The following ZNF627 variants were observed in gnomAD, a reference collection of about 807,000 sequenced individuals.
ZNF627 encodes zinc finger protein 627.
A neutral mutation model predicts 10.6 loss-of-function variants in ZNF627; 12 were observed. That is an observed-to-expected ratio of 1.13 (90% CI 0.73 to 1.84). The LOEUF (loss-of-function observed/expected upper bound fraction) is 1.84, where lower values mean the gene tolerates loss of function less well. Among genes scored for constraint, ZNF627 ranks in the 40% most tolerant of loss-of-function variants. The pLI is 0.00. For missense variants in ZNF627, 504 were observed against 568.4 expected (o/e 0.89, Z 1.15); for synonymous variants, 176 against 187.1 (o/e 0.94, Z 0.48).
At position 11,617,249 on chromosome 19, in the gene ZNF627, A is replaced by T. The variant is rs368365975; in HGVS notation, c.746A>T (p.Lys249Ile). The T allele has an allele frequency of 6.2e-7, 1 of 1,613,596 alleles. No homozygotes were observed. The highest frequency in any genetic ancestry group is 1.3e-5 in the African/African-American group (1 of 74,800). Residue 249 changes from lysine to isoleucine, a missense_variant, in exon 4 of 4, where the codon AAA (lysine) becomes ATA (isoleucine). Transcript: ENST00000361113. ...CATGAAAGGACTCACACTGGAGATAAACCCTATGAATGCAAGCAGTGTGGG... is the reference window on the plus strand; with the variant it reads ...CATGAAAGGACTCACACTGGAGATATACCCTATGAATGCAAGCAGTGTGGG... ...RIHERTHTGD[K>I]PYECKQCGKA... is the part of the protein sequence containing the mutation.
chr19:11,604,783 G>A (rs1973645539), intron 1 of ZNF627, among the ~76,000 whole-genome samples: 1 of 152,192 alleles, frequency 6.6e-6, no homozygotes, highest in Non-Finnish European at 1.5e-5. Flanking sequence ...CTGTAATAGG[G>A]GAGGGAGATT....
In ZNF627 at chr19:11,618,094, G is replaced by A; in HGVS notation, c.*205G>A. 1 of 472,418 alleles carries A rather than the reference G, an allele frequency of 2.1e-6. No homozygotes were observed. The allele number at this position is 472,418 out of a possible 1,614,324, so 29.3% of individuals were successfully genotyped here. ...GATCTCTGGATTGTGTTATGTCAGTGTTGGTAGGTTAGGAACTAGATTTCC... is the reference window on the plus strand; with the variant it reads ...GATCTCTGGATTGTGTTATGTCAGTATTGGTAGGTTAGGAACTAGATTTCC... On this transcript the variant is annotated 3_prime_UTR_variant, in exon 4 of 4. Transcript: ENST00000361113.
At chr19:11,600,877 T>C (rs184110687) in intron 1 of ZNF627, among the ~76,000 whole-genome samples, 4 of 152,332 alleles carry the variant, frequency 2.6e-5, no homozygotes, top group African/African-American at 4.8e-5. Flanking sequence ...CTGAAGAGGA[T>C]GGATACTTTT....
At chr19:11,598,502 A>G (rs965670740) in intron 1 of ZNF627, among the ~76,000 whole-genome samples, 2 of 152,186 alleles carry the variant, frequency 1.3e-5, no homozygotes, top group Non-Finnish European at 2.9e-5. Context: ...AGGACACCAT[A>G]GCCACAGCCC....
chr19:11,600,483 T>C (rs1973566530), intron 1 of ZNF627, among the ~76,000 whole-genome samples: 1 of 152,000 alleles, frequency 6.6e-6, no homozygotes, highest in Admixed American at 6.6e-5. Flanking sequence ...GCAAGTGTAG[T>C]AAGTTTCTCA....
chr19:11,614,533 G>T lies in ZNF627; in HGVS notation c.10G>T (p.Val4Leu). Reference sequence around the variant, plus strand: ...CACATGGGGGATGTTTCAGGATTCAGTGGCCTTTGAGGATGTGGCTGTGAA... The same window carrying T: ...CACATGGGGGATGTTTCAGGATTCATTGGCCTTTGAGGATGTGGCTGTGAA... MDSVAFEDVAVNFT... is the reference protein window; with the variant it reads MDSLAFEDVAVNFT... The change falls in exon 2 of 4, where the codon GTG becomes TTG. Residue 4 changes from valine (V) to leucine (L), a missense_variant. Transcript: ENST00000361113. The T allele has an allele frequency of 6.2e-6, 10 of 1,613,908 alleles. No individual in the cohort carries two copies. Among genetic ancestry groups the T allele is most frequent in the Non-Finnish European group, 7.6e-6 (9 of 1,179,964 alleles).
At chr19:11,604,773 C>G (rs1396284567) in intron 1 of ZNF627, among the ~76,000 whole-genome samples, 1 of 152,076 alleles carries the variant, frequency 6.6e-6, no homozygotes, top group Non-Finnish European at 1.5e-5. Flanking sequence ...GTCATGACAG[C>G]TGTAATAGGG....
intron 1 of ZNF627, among the ~76,000 whole-genome samples, chr19:11,603,874 C>G (rs749933286): frequency 2.0e-5 from 3 of 151,840 alleles, no homozygotes; most frequent in Non-Finnish European, 4.4e-5. Flanking sequence ...GTGGTGCGAT[C>G]ACTGCTCACT....
intron 1 of ZNF627, among the ~76,000 whole-genome samples, chr19:11,600,262 A>G (rs1280899387): frequency 2.6e-5 from 4 of 151,912 alleles, no homozygotes; most frequent in Non-Finnish European, 4.4e-5. Context: ...AACACAGTGA[A>G]ACCCTGTCTC....
chr19:11,617,395 G>A lies in ZNF627; in HGVS notation c.892G>A (p.Glu298Lys), dbSNP rs751862810. The change falls in exon 4 of 4, where the codon GAG becomes AAG. Residue 298 changes from glutamate (E) to lysine (K), a missense_variant. Glu to Lys is a moderately conservative substitution (Grantham distance 56, BLOSUM62 1). Transcript: ENST00000361113. ...FRCASSVRSH[E>K]RTHTGEKLFE... ...GTGCGCCAGTTCTGTTCGAAGTCACGAGAGGACTCACACCGGAGAGAAACT... is the reference window on the plus strand; with the variant it reads ...GTGCGCCAGTTCTGTTCGAAGTCACAAGAGGACTCACACCGGAGAGAAACT... 18 of 1,613,890 alleles carry A rather than the reference G, an allele frequency of 1.1e-5. No homozygotes were observed. Among genetic ancestry groups the A allele is most frequent in the South Asian group, 2.2e-5 (2 of 91,094 alleles).
In ZNF627 at chr19:11,614,907, G is replaced by A. The variant is rs1295525882; in HGVS notation, c.191+20G>A. 1.9e-6 allele frequency: 3 copies of A among 1,542,298 alleles called. No individual in the cohort carries two copies. Among genetic ancestry groups the A allele is most frequent in the Admixed American group, 1.9e-5 (1 of 53,288 alleles). ...TATAAGGTAATTTGCACTCACAAAA[G>A]AAAGTTCTGTTCCTTGAGAGCATTT... is the stretch of plus-strand genomic sequence containing the variant. On this transcript the variant is annotated intron_variant, in intron 3 of 3. Coordinates refer to ENST00000361113, the MANE Select transcript of ZNF627 (RefSeq NM_145295.4).
intron 1 of ZNF627, among the ~76,000 whole-genome samples, chr19:11,598,281 C>T (rs1356064535): frequency 6.6e-6 from 1 of 152,056 alleles, no homozygotes; most frequent in Non-Finnish European, 1.5e-5. Context: ...CGCCTGTAAT[C>T]GCAGCGCTTT....
chr19:11,603,131 C>T (rs1973616163), intron 1 of ZNF627, among the ~76,000 whole-genome samples: 1 of 151,944 alleles, frequency 6.6e-6, no homozygotes, highest in South Asian at 2.1e-4. Context: ...GTTTCTTTGC[C>T]TGTTTGTTTC....
intron 1 of ZNF627, among the ~76,000 whole-genome samples, chr19:11,601,489 G>C (rs1050274307): frequency 6.6e-6 from 1 of 152,010 alleles, no homozygotes; most frequent in African/African-American, 2.4e-5. Context: ...AAAGGCATGT[G>C]CCATGATGCC....
In ZNF627 at chr19:11,616,958, G is replaced by A. The variant is rs868558324; in HGVS notation, c.455G>A (p.Arg152His). The part of the protein sequence containing the change: ...NQCGRALSYH[R>H]SFPVRERTHP... ...TGTGGACGAGCCTTGAGTTATCATC[G>A]CTCTTTTCCAGTACGTGAAAGGACT... is the stretch of plus-strand genomic sequence containing the variant. Residue 152 changes from arginine (R) to histidine (H), a missense_variant, in exon 4 of 4, where the codon CGC becomes CAC. By Grantham distance (29) the Arg-to-His change is conservative. Transcript: ENST00000361113. 3.1e-6 allele frequency: 5 copies of A among 1,614,132 alleles called. No homozygotes were observed. Among genetic ancestry groups the A allele is most frequent in the Admixed American group, 1.7e-5 (1 of 60,020 alleles).
intron 1 of ZNF627, among the ~76,000 whole-genome samples, chr19:11,603,283 C>CTTT: frequency 9.0e-6 from 1 of 111,212 alleles, no homozygotes. Context: ...CTATTCTTAG[C>CTTT]CTTTTTTTTT....
At chr19:11,615,291 CTG>C (rs1284984608) in intron 3 of ZNF627, among the ~76,000 whole-genome samples, 8 of 150,782 alleles carry the variant, frequency 5.3e-5, no homozygotes, top group Middle Eastern at 3.2e-3. Context: ...CAGCTTCAAA[CTG>C]TTTTGTTTTT....
At chr19:11,615,306 A>G (rs919426831) in intron 3 of ZNF627, among the ~76,000 whole-genome samples, 5 of 151,160 alleles carry the variant, frequency 3.3e-5, no homozygotes, top group African/African-American at 1.2e-4. Flanking sequence ...TTGTTTTTAG[A>G]AAATCTTCTC....
rs1599650466 is a variant in ZNF627, at chr19:11,597,700, T to G, written c.3+70T>G. On this transcript the variant is annotated intron_variant, in intron 1 of 3. Coordinates refer to ENST00000361113, the MANE Select transcript of ZNF627 (RefSeq NM_145295.4). Reference sequence around the variant, plus strand: ...GGTTGGAACCGGCCGGAACCGGCTGTGGAGGGACCTAGGCCTCCCTGCGGC... The same window carrying G: ...GGTTGGAACCGGCCGGAACCGGCTGGGGAGGGACCTAGGCCTCCCTGCGGC... 13 of 1,319,210 alleles carry G rather than the reference T, an allele frequency of 9.9e-6. No homozygotes were observed. In the East Asian group the frequency reaches 3.6e-4, roughly 37 times the overall value. The allele number at this position is 1,319,210 out of a possible 1,614,324, so 81.7% of individuals were successfully genotyped here. A position where few individuals can be genotyped will look rare whatever the true frequency, so the allele number is the denominator to read the frequency against.
Sources: gnomAD v4.1 joint callset for allele counts (sites outside exome capture counted in the v4.1 genomes callset) on GRCh38, gnomAD v4.1.1 for gene constraint, MANE v1.5 for transcripts, NCBI Gene and HGNC (gene_info 2026-07-23, HGNC 2026-07-21) for gene names.